Variants in MYO1E observed in about 807,000 individuals in gnomAD.
MYO1E encodes myosin IE, also known as unconventional myosin-Ie.
Under a neutral mutation model 151.1 loss-of-function variants are expected in MYO1E, and 68 were observed. That is an observed-to-expected ratio of 0.45 (90% confidence interval 0.37 to 0.55). MYO1E has a LOEUF of 0.55. MYO1E is among the 20% of genes least tolerant of loss of function. The pLI, the probability that MYO1E is intolerant of heterozygous loss-of-function variation, is 0.00. For missense variants in MYO1E, 1,363 were observed against 1,389.3 expected, an observed-to-expected ratio of 0.98 and a Z score of 0.30; for synonymous variants, 601 against 501.7, an observed-to-expected ratio of 1.20 and a Z score of -2.64.
chr15:59,161,355 CCAGGAG>C, intron 23 of MYO1E, 125 bp from the exon 24 acceptor site: 2 of 1,099,066 alleles, frequency 1.8e-6, no homozygotes, highest in Non-Finnish European at 2.6e-6. Context: ...ACAATCTACA[CCAGGAG>C]CAGGGCCCTG....
At chr15:59,359,150 G>A (rs537713230) in intron 1 of MYO1E, among the ~76,000 whole-genome samples, 12 of 151,972 alleles carry the variant, frequency 7.9e-5, no homozygotes, top group African/African-American at 2.7e-4. Flanking sequence ...ACAAGGTTGG[G>A]CACAGTAGCT....
At chr15:59,306,785 C>T (rs1365552431) in intron 1 of MYO1E, among the ~76,000 whole-genome samples, 1 of 152,214 alleles carries the variant, frequency 6.6e-6, no homozygotes, top group Non-Finnish European at 1.5e-5. Context: ...GGGACTGACA[C>T]GTTATCAACA....
At chr15:59,291,874 G>A (rs1292856000) in intron 1 of MYO1E, among the ~76,000 whole-genome samples, 2 of 151,886 alleles carry the variant, frequency 1.3e-5, no homozygotes, top group African/African-American at 4.8e-5. Flanking sequence ...AAGAAAAGTT[G>A]TTTGATCACA....
intron 4 of MYO1E, among the ~76,000 whole-genome samples, chr15:59,253,897 C>CA (rs1157679409): frequency 1.0e-5 from 1 of 95,512 alleles, no homozygotes; most frequent in Non-Finnish European, 2.2e-5. Context: ...ACAGGACAAA[C>CA]AACCTTTTTT....
intron 1 of MYO1E, among the ~76,000 whole-genome samples, chr15:59,308,102 A>G (rs1283434021): frequency 2.0e-5 from 3 of 151,140 alleles, no homozygotes; most frequent in Non-Finnish European, 3.0e-5. Context: ...ATGCATCTGT[A>G]GTCCCAGCTA....
At chr15:59,140,749 G>T (rs1403591740) in intron 26 of MYO1E, among the ~76,000 whole-genome samples, 1 of 152,206 alleles carries the variant, frequency 6.6e-6, no homozygotes, top group Non-Finnish European at 1.5e-5. Context: ...GGTGGCTGGG[G>T]GGAACACTGA....
At chr15:59,253,901 C>CTTTTTTTTTTTTTTTTTTTTTTTT (rs34819314) in intron 4 of MYO1E, among the ~76,000 whole-genome samples, 42 of 135,834 alleles carry the variant, frequency 3.1e-4, no homozygotes, top group Non-Finnish European at 5.6e-4. Context: ...GACAAACAAC[C>CTTTTTTTTTTTTTTTTTTTTTTTT]TTTTTTTTTT....
At chr15:59,192,901 T>TGACAGA (rs2079742541) in intron 17 of MYO1E, among the ~76,000 whole-genome samples, 2 of 152,012 alleles carry the variant, frequency 1.3e-5, no homozygotes. Flanking sequence ...AGTGTAAAAG[T>TGACAGA]GACAGAGACA....
rs117391218 is a variant in MYO1E at position 59,207,994 on chromosome 15, C to T, written c.1530+687G>A. On this transcript the variant is annotated intron_variant, in intron 14 of 27. Transcript: ENST00000288235. ...CCTGGGAGAGAACGGTATTACCAAC[C>T]TTATAAAGATAAAGCTGACCCCTGA... 1.2e-3 allele frequency: 1,895 copies of T among 1,613,636 alleles called. 4 individuals carry two copies. Among genetic ancestry groups the T allele is most frequent in the Non-Finnish European group, 1.5e-3 (1,787 of 1,179,884 alleles).
At chr15:59,229,991 T>C (rs1371889506) in intron 6 of MYO1E, among the ~76,000 whole-genome samples, 3 of 152,228 alleles carry the variant, frequency 2.0e-5, no homozygotes, top group Non-Finnish European at 4.4e-5. Flanking sequence ...TTATGTAATT[T>C]ATTCTAAAAG....
chr15:59,185,339 C>A (rs2079689330), intron 18 of MYO1E, among the ~76,000 whole-genome samples: 1 of 152,186 alleles, frequency 6.6e-6, no homozygotes, highest in Non-Finnish European at 1.5e-5. Context: ...GCCATGCCAA[C>A]TCACTGCAAC....
intron 15 of MYO1E, 129 bp from the exon 16 acceptor site, chr15:59,202,536 A>T: frequency 1.2e-6 from 1 of 807,626 alleles, no homozygotes; most frequent in Non-Finnish European, 2.1e-6. Flanking sequence ...AAGCCATCTG[A>T]CTCACAGCGC....
At chr15:59,237,702 G>C (rs1195020125) in intron 4 of MYO1E, among the ~76,000 whole-genome samples, 1 of 152,196 alleles carries the variant, frequency 6.6e-6, no homozygotes, top group East Asian at 1.9e-4. Context: ...TGAATATCCA[G>C]CCCAAATTAA....
chr15:59,354,237 C>A (rs778444896), intron 1 of MYO1E, among the ~76,000 whole-genome samples: 46 of 152,294 alleles, frequency 3.0e-4, no homozygotes, highest in Non-Finnish European at 4.6e-4. Context: ...TCCTTTGAGA[C>A]CGTCCTGGCC....
intron 1 of MYO1E, among the ~76,000 whole-genome samples, chr15:59,307,024 G>A (rs949991084): frequency 7.2e-5 from 11 of 152,204 alleles, no homozygotes; most frequent in Non-Finnish European, 1.6e-4. Context: ...ACTTGAGAAC[G>A]GGATGCAAGC....
intron 1 of MYO1E, among the ~76,000 whole-genome samples, chr15:59,307,326 G>C (rs537435415): frequency 2.0e-4 from 30 of 152,334 alleles, no homozygotes; most frequent in African/African-American, 6.7e-4. Flanking sequence ...TGGGCCCGGG[G>C]AGGATGAGGT....
intron 1 of MYO1E, 87 bp downstream of exon 1, chr15:59,372,411 C>G (rs2080952491): frequency 6.7e-7 from 1 of 1,495,386 alleles, no homozygotes; most frequent in Admixed American, 2.0e-5. Context: ...CTGGCCCCGG[C>G]AGCGCGCCCA....
chr15:59,324,314 G>A (rs1387327529), intron 1 of MYO1E, among the ~76,000 whole-genome samples: 2 of 152,138 alleles, frequency 1.3e-5, no homozygotes, highest in Admixed American at 6.5e-5. Context: ...AAAAAAAAAG[G>A]GAGAATATCC....
At chr15:59,214,076 C>T (rs1404410809) in intron 12 of MYO1E, 152 bp downstream of exon 12, 1 of 628,504 alleles carries the variant, frequency 1.6e-6, no homozygotes, top group South Asian at 2.3e-5. Flanking sequence ...TAAAATGCCA[C>T]AATGGCATAT....
Sources: gnomAD v4.1 joint callset for allele counts (sites outside exome capture counted in the v4.1 genomes callset) on GRCh38, gnomAD v4.1.1 for gene constraint, MANE v1.5 for transcripts, NCBI Gene and HGNC (gene_info 2026-07-23, HGNC 2026-07-21) for gene names.